Variants in PLA2G7 observed in about 807,000 individuals in gnomAD.
PLA2G7 encodes platelet-activating factor acetylhydrolase.
In PLA2G7, 63 loss-of-function variants were observed where a neutral mutation model predicts 49.6. The observed-to-expected ratio is 1.27, with a 90% CI of 1.04 to 1.57. PLA2G7 has a LOEUF of 1.57. Ranked by LOEUF, PLA2G7 falls within the 40% of genes most tolerant of loss-of-function variation. The pLI is 0.00. For synonymous variants in PLA2G7, 193 were observed against 169.9 expected (o/e 1.14, Z -1.06); for missense variants, 596 against 521.2 (o/e 1.14, Z -1.40).
intron 5 of PLA2G7, 129 bp downstream of exon 5, chr6:46,714,331 T>C (rs2150698625): frequency 1.3e-6 from 1 of 759,466 alleles, no homozygotes; most frequent in East Asian, 2.5e-5. Context: ...CCACAGCCAA[T>C]TATTGAGGAA....
At chr6:46,714,371 G>T in intron 5 of PLA2G7, 89 bp downstream of exon 5, 2 of 842,610 alleles carry the variant, frequency 2.4e-6, no homozygotes, top group South Asian at 1.3e-5. Flanking sequence ...GGGCCTGCAT[G>T]ACATTCCAAA....
intron 2 of PLA2G7, among the ~76,000 whole-genome samples, chr6:46,720,506 A>G (rs764353321): frequency 6.6e-6 from 1 of 152,198 alleles, no homozygotes; most frequent in African/African-American, 2.4e-5. Flanking sequence ...ATGGGGTCCT[A>G]TGCACCAGTG....
chr6:46,709,325 A>C lies in PLA2G7; in HGVS notation c.869+2T>G, dbSNP rs546212544. 6.6e-7 allele frequency: 1 copy of C among 1,511,734 alleles called. No individual in the cohort carries two copies. Among genetic ancestry groups the C allele is most frequent in the South Asian group, 1.1e-5 (1 of 88,988 alleles). The allele number at this position is 1,511,734 out of a possible 1,614,324, so 93.6% of individuals were successfully genotyped here. ...TCTTGCTTTACTATCTTATTTTCTT[A>C]CCTGAATCTCTGATCTTCACTAAGA... On this transcript the variant is annotated splice_donor_variant, in intron 9 of 11. Transcript: ENST00000274793. LOFTEE classifies it high-confidence loss of function.
chr6:46,717,112 A>G lies in PLA2G7; in HGVS notation c.110-16T>C, dbSNP rs1392684270. 1 of 1,607,648 alleles carries G rather than the reference A, an allele frequency of 6.2e-7. No homozygotes were observed. Among genetic ancestry groups the G allele is most frequent in the East Asian group, 2.2e-5 (1 of 44,858 alleles). On this transcript the variant is annotated splice_polypyrimidine_tract_variant and intron_variant, in intron 2 of 11. Coordinates refer to ENST00000274793, the MANE Select transcript of PLA2G7 (RefSeq NM_005084.4). ...TTGACCCATGCTGAAAAACAGGTAAATATTATCTCATTTGTCATCCATTAC... is the reference window on the plus strand; with the variant it reads ...TTGACCCATGCTGAAAAACAGGTAAGTATTATCTCATTTGTCATCCATTAC...
At chr6:46,711,374 T>G in intron 7 of PLA2G7, 122 bp downstream of exon 7, 1 of 1,062,010 alleles carries the variant, frequency 9.4e-7, no homozygotes, top group South Asian at 1.3e-5. Flanking sequence ...ACAGATCTTT[T>G]GGGAATGGGA....
At chr6:46,725,714 C>A (rs1036601958) in intron 1 of PLA2G7, among the ~76,000 whole-genome samples, 10 of 152,132 alleles carry the variant, frequency 6.6e-5, no homozygotes, top group Admixed American at 4.6e-4. Flanking sequence ...TTTCAAAAAT[C>A]CAAACATAAC....
intron 1 of PLA2G7, among the ~76,000 whole-genome samples, chr6:46,731,802 C>G (rs1029970950): frequency 6.6e-6 from 1 of 152,070 alleles, no homozygotes; most frequent in African/African-American, 2.4e-5. Flanking sequence ...TACAAGTGGA[C>G]CAGGTATAGC....
chr6:46,708,732 A>G (rs150068774), intron 9 of PLA2G7, among the ~76,000 whole-genome samples: 2 of 152,300 alleles, frequency 1.3e-5, no homozygotes, highest in African/African-American at 4.8e-5. Context: ...AAAGAAGAGA[A>G]TTCTTACACT....
chr6:46,712,027 T>C (rs1470148681), intron 6 of PLA2G7, among the ~76,000 whole-genome samples: 1 of 152,184 alleles, frequency 6.6e-6, no homozygotes, highest in African/African-American at 2.4e-5. Flanking sequence ...GAAGACTGAA[T>C]GAAATGGCGT....
chr6:46,732,320 C>T (rs1011239040), intron 1 of PLA2G7, among the ~76,000 whole-genome samples: 1 of 151,884 alleles, frequency 6.6e-6, no homozygotes, highest in Non-Finnish European at 1.5e-5. Context: ...TCTCTCCTCA[C>T]AATCCAATCC....
At chr6:46,712,734 A>G (rs1765069350) in intron 5 of PLA2G7, among the ~76,000 whole-genome samples, 1 of 152,208 alleles carries the variant, frequency 6.6e-6, no homozygotes, top group African/African-American at 2.4e-5. Context: ...TGGCTCTGCC[A>G]CTTCCCAGCT....
intron 1 of PLA2G7, among the ~76,000 whole-genome samples, chr6:46,723,235 A>T (rs1765458342): frequency 6.6e-6 from 1 of 152,230 alleles, no homozygotes; most frequent in Non-Finnish European, 1.5e-5. Context: ...AATAGCCAAC[A>T]AAATATAACA....
intron 1 of PLA2G7, among the ~76,000 whole-genome samples, chr6:46,733,014 T>C (rs1295621405): frequency 6.6e-6 from 1 of 152,154 alleles, no homozygotes; most frequent in East Asian, 1.9e-4. Flanking sequence ...AGAGTGTAAA[T>C]AATCCAATAT....
At chr6:46,718,363 TCTG>T (rs771864903) in intron 2 of PLA2G7, among the ~76,000 whole-genome samples, 20 of 152,258 alleles carry the variant, frequency 1.3e-4, no homozygotes, top group Non-Finnish European at 2.4e-4. Flanking sequence ...AAGCCAATAC[TCTG>T]CTACTTGCAA....
At chr6:46,712,465 T>A (rs886670059) in intron 5 of PLA2G7, 128 bp from the exon 6 acceptor site, 31 of 699,018 alleles carry the variant, frequency 4.4e-5, no homozygotes, top group Non-Finnish European at 7.6e-5. Context: ...AGTGGAGAGC[T>A]ACGGTTCTTA....
intron 1 of PLA2G7, among the ~76,000 whole-genome samples, chr6:46,732,420 C>T (rs1765763535): frequency 6.6e-6 from 1 of 151,658 alleles, no homozygotes. Context: ...CTGCAGCAAT[C>T]TGCTTGCTTT....
chr6:46,732,322 A>G (rs1351858844), intron 1 of PLA2G7, among the ~76,000 whole-genome samples: 1 of 149,854 alleles, frequency 6.7e-6, no homozygotes, highest in Non-Finnish European at 1.5e-5. Flanking sequence ...TCTCCTCACA[A>G]TCCAATCCAA....
At chr6:46,728,629 A>G (rs1241996205) in intron 1 of PLA2G7, among the ~76,000 whole-genome samples, 1 of 152,198 alleles carries the variant, frequency 6.6e-6, no homozygotes, top group Non-Finnish European at 1.5e-5. Context: ...GGTGTTCTAT[A>G]TGGCTTAAAG....
chr6:46,708,057 G>T lies in PLA2G7; in HGVS notation c.974C>A (p.Pro325His). 1 of 1,592,502 alleles carries T rather than the reference G, an allele frequency of 6.3e-7. No homozygotes were observed. Among genetic ancestry groups the T allele is most frequent in the African/African-American group, 1.3e-5 (1 of 74,528 alleles). ...FFINSEYFQY[P>H]ANIIKMKKCY... The stretch of plus-strand genomic sequence containing the variant: ...TTTTTTCATTTTTATGATATTAGCA[G>T]GATATTGGAAATATTCAGAGTTGAT... The change falls in exon 10 of 12, where the codon CCT becomes CAT. Residue 325 changes from proline to histidine, a missense_variant. Physicochemically the swap from Pro to His is moderately conservative, Grantham distance 77. Transcript: ENST00000274793.
Sources: gnomAD v4.1 joint callset for allele counts (sites outside exome capture counted in the v4.1 genomes callset) on GRCh38, gnomAD v4.1.1 for gene constraint, MANE v1.5 for transcripts, NCBI Gene and HGNC (gene_info 2026-07-23, HGNC 2026-07-21) for gene names.